The following BICD1 variants were observed in gnomAD, a reference collection of about 807,000 sequenced individuals.
BICD1 encodes the protein BICD cargo adaptor 1.
Under a neutral mutation model 92.5 loss-of-function variants are expected in BICD1, and 35 were observed. That is an observed-to-expected ratio of 0.38 (90% confidence interval 0.29 to 0.50). The LOEUF (loss-of-function observed/expected upper bound fraction) is 0.50, where lower values mean the gene tolerates loss of function less well. Among genes scored for constraint, BICD1 ranks in the 20% least tolerant of loss-of-function variants. The probability of loss-of-function intolerance (pLI) is 0.93; values close to 1 mark genes in which losing one functional copy is unlikely to be tolerated. For synonymous variants in BICD1, 429 were observed against 465.1 expected (o/e 0.92, Z 1.00); for missense variants, 950 against 1,189.8 (o/e 0.80, Z 2.97).
intron 1 of BICD1, among the ~76,000 whole-genome samples, chr12:32,156,083 T>G (rs944205497): frequency 2.0e-5 from 3 of 152,244 alleles, no homozygotes; most frequent in African/African-American, 7.2e-5. Flanking sequence ...TCCTGAGGTA[T>G]TCCCCAACAG....
intron 1 of BICD1, among the ~76,000 whole-genome samples, chr12:32,214,117 T>C (rs530626492): frequency 1.3e-5 from 2 of 152,334 alleles, no homozygotes; most frequent in Admixed American, 1.3e-4. Flanking sequence ...ATTTGGCCAT[T>C]GGAAGCCCCT....
chr12:32,216,218 T>C (rs755425396), intron 1 of BICD1, 29 bp from the exon 2 acceptor site: 1 of 1,601,420 alleles, frequency 6.2e-7, no homozygotes, highest in East Asian at 2.2e-5. Context: ...TTTCATTGTG[T>C]ACTCTTTTTC....
At chr12:32,216,797 CG>C (rs1420025516) in intron 2 of BICD1, among the ~76,000 whole-genome samples, 2 of 152,198 alleles carry the variant, frequency 1.3e-5, no homozygotes, top group Non-Finnish European at 2.9e-5. Context: ...TGGAGAAGAA[CG>C]GTTGGCTGTA....
At chr12:32,130,982 G>A (rs907579782) in intron 1 of BICD1, among the ~76,000 whole-genome samples, 1 of 152,004 alleles carries the variant, frequency 6.6e-6, no homozygotes, top group Admixed American at 6.6e-5. Context: ...CTATAGGCAT[G>A]CACCACCATT....
intron 1 of BICD1, among the ~76,000 whole-genome samples, chr12:32,181,311 C>T (rs1003836480): frequency 2.0e-5 from 3 of 151,148 alleles, no homozygotes; most frequent in Non-Finnish European, 4.4e-5. Flanking sequence ...TCCTAGCCAC[C>T]GGGGAGGCTG....
At chr12:32,182,996 A>G (rs1214165715) in intron 1 of BICD1, among the ~76,000 whole-genome samples, 1 of 148,966 alleles carries the variant, frequency 6.7e-6, no homozygotes, top group African/African-American at 2.5e-5. Context: ...GACTCGAGCA[A>G]TCCTTCCACC....
At chr12:32,366,720 G>A (rs1251442200) in intron 8 of BICD1, among the ~76,000 whole-genome samples, 5 of 152,190 alleles carry the variant, frequency 3.3e-5, no homozygotes, top group Non-Finnish European at 5.9e-5. Flanking sequence ...GTTGGCAAGA[G>A]GAAATGCTTC....
intron 2 of BICD1, among the ~76,000 whole-genome samples, chr12:32,231,660 A>G (rs12314155): frequency 0.011 from 1,679 of 151,868 alleles, 36 homozygotes; most frequent in African/African-American, 0.038. Flanking sequence ...ACATATGTAT[A>G]CATGTGCCAT....
chr12:32,194,744 G>A (rs935826050), intron 1 of BICD1, among the ~76,000 whole-genome samples: 4 of 152,038 alleles, frequency 2.6e-5, no homozygotes, highest in African/African-American at 7.2e-5. Context: ...TTAGCCGGGC[G>A]TGGTGGCGCA....
intron 1 of BICD1, among the ~76,000 whole-genome samples, chr12:32,170,789 T>A (rs1471936947): frequency 6.6e-6 from 1 of 152,132 alleles, no homozygotes; most frequent in African/African-American, 2.4e-5. Flanking sequence ...CGGAGATATT[T>A]TTGGTCACAA....
chr12:32,192,430 T>TTAAATAAATAAA (rs369679034), intron 1 of BICD1, among the ~76,000 whole-genome samples: 151 of 139,312 alleles, frequency 1.1e-3, no homozygotes, highest in East Asian at 2.9e-3. Flanking sequence ...CGAGACTCTG[T>TTAAATAAATAAA]TAAATAAATA....
chr12:32,216,935 T>A (rs916628219), intron 2 of BICD1, among the ~76,000 whole-genome samples: 8 of 152,122 alleles, frequency 5.3e-5, no homozygotes, highest in Non-Finnish European at 7.4e-5. Context: ...CCCCAAAGGA[T>A]TTTTCTGGTT....
chr12:32,146,363 A>C (rs1366343782), intron 1 of BICD1, among the ~76,000 whole-genome samples: 1 of 152,156 alleles, frequency 6.6e-6, no homozygotes, highest in Non-Finnish European at 1.5e-5. Flanking sequence ...GAGATTTGAG[A>C]TGTTTTAAAA....
At chr12:32,307,111 G>A (rs975876712) in intron 4 of BICD1, among the ~76,000 whole-genome samples, 11 of 152,154 alleles carry the variant, frequency 7.2e-5, no homozygotes, top group Admixed American at 4.6e-4. Flanking sequence ...TAAAATGATG[G>A]AAACCATGCA....
Position 32,107,163 on chromosome 12 carries a change from A to C in BICD1, c.-169A>C. 1 of 654,158 alleles carries C rather than the reference A, an allele frequency of 1.5e-6. No homozygotes were observed. Among genetic ancestry groups the C allele is most frequent in the Admixed American group, 2.9e-5 (1 of 35,058 alleles). 40.5% of individuals were successfully genotyped at this position (654,158 alleles called of 1,614,324 possible). A position where few individuals can be genotyped will look rare whatever the true frequency, so the allele number is the denominator to read the frequency against. On this transcript the variant is annotated 5_prime_UTR_variant, in exon 1 of 10. It removes the in-frame stop codon of an upstream open reading frame in the 5' UTR. Transcript: ENST00000652176. ...TTCTCGTCAGTTTCTCGGGCGGTGT[A>C]GCTGCCGCTGCCACCAGAGCCGGCG...
At chr12:32,288,984 G>C (rs1947653576) in intron 2 of BICD1, among the ~76,000 whole-genome samples, 2 of 152,176 alleles carry the variant, frequency 1.3e-5, no homozygotes, top group Non-Finnish European at 2.9e-5. Flanking sequence ...TTGTCAAAGA[G>C]GGTCAAGCAC....
chr12:32,133,349 A>G (rs946532214), intron 1 of BICD1, among the ~76,000 whole-genome samples: 1 of 152,008 alleles, frequency 6.6e-6, no homozygotes, highest in Non-Finnish European at 1.5e-5. Flanking sequence ...TTAGCCGGGT[A>G]TGGTGGTGCA....
intron 2 of BICD1, among the ~76,000 whole-genome samples, chr12:32,245,900 C>T (rs888562307): frequency 2.0e-5 from 3 of 151,244 alleles, no homozygotes; most frequent in African/African-American, 7.3e-5. Flanking sequence ...TGTGGTGGCG[C>T]ACACCTGTAG....
rs35156666 is a variant in BICD1 at position 32,149,020 on chromosome 12, C to CAAA, written c.213+41486_213+41488dup. Reference sequence around the variant, plus strand: ...GGGTGACGAAGTGAGGCTCTGTCTCCAAAAAAAAAAAAGAGTTCTGTAATT... The same window carrying CAAA: ...GGGTGACGAAGTGAGGCTCTGTCTCCAAAAAAAAAAAAAAAGAGTTCTGTAATT... On this transcript the variant is annotated intron_variant, in intron 1 of 9. Transcript: ENST00000652176. Among the ~76,000 whole-genome samples, 475 of 146,968 alleles carry CAAA rather than the reference C, an allele frequency of 3.2e-3. 3 individuals are homozygous for CAAA. The highest frequency in any genetic ancestry group is 3.8e-3 in the Non-Finnish European group (257 of 66,850).
Sources: allele counts gnomAD v4.1 joint callset (sites outside exome capture counted in the v4.1 genomes callset), GRCh38; gene constraint gnomAD v4.1.1; transcripts MANE v1.5; gene names NCBI Gene and HGNC (gene_info 2026-07-23, HGNC 2026-07-21).